NAV2: variants seen among roughly 807,000 people sequenced by gnomAD.
NAV2 encodes neuron navigator 2.
Under a neutral mutation model 223.2 loss-of-function variants are expected in NAV2, and 54 were observed. The ratio of observed to expected loss-of-function variants is 0.24; its 90% CI spans 0.19 to 0.30. The LOEUF is 0.30. NAV2 is among the 10% of genes least tolerant of loss of function. The probability of loss-of-function intolerance (pLI) is 1.00; values close to 1 mark genes in which losing one functional copy is unlikely to be tolerated. For missense variants in NAV2, 2,806 were observed against 3,147.5 expected (o/e 0.89, Z 2.60); for synonymous variants, 1,279 against 1,239.3 (o/e 1.03, Z -0.67).
intron 1 of NAV2, among the ~76,000 whole-genome samples, chr11:19,363,447 CTT>C (rs1247758320): frequency 1.3e-5 from 2 of 152,114 alleles, no homozygotes; most frequent in East Asian, 3.8e-4. Flanking sequence ...GGTGAGAAAA[CTT>C]AGGTTGAATA....
At chr11:19,761,161 C>T (rs946803157) in intron 1 of NAV2, among the ~76,000 whole-genome samples, 1 of 152,066 alleles carries the variant, frequency 6.6e-6, no homozygotes, top group Non-Finnish European at 1.5e-5. Flanking sequence ...GTCCAGAATG[C>T]CAAAAGAGAG....
intron 1 of NAV2, among the ~76,000 whole-genome samples, chr11:19,738,213 G>C (rs2052493428): frequency 1.3e-5 from 2 of 152,218 alleles, no homozygotes; most frequent in South Asian, 2.1e-4. Flanking sequence ...TTCCCTCAGG[G>C]GGCCAGTGAC....
At chr11:19,908,721 T>C (rs894652060) in intron 6 of NAV2, among the ~76,000 whole-genome samples, 5 of 152,148 alleles carry the variant, frequency 3.3e-5, no homozygotes, top group African/African-American at 1.2e-4. Flanking sequence ...AGCCAGTGAG[T>C]CTGCTGCTGA....
chr11:19,424,289 T>G (rs1850736351), intron 1 of NAV2, among the ~76,000 whole-genome samples: 2 of 152,214 alleles, frequency 1.3e-5, no homozygotes, highest in Admixed American at 1.3e-4. Flanking sequence ...GAATAAAGAT[T>G]ACTAGTTCTC....
At chr11:19,704,731 G>A (rs918905444) in intron 1 of NAV2, among the ~76,000 whole-genome samples, 2 of 152,152 alleles carry the variant, frequency 1.3e-5, no homozygotes, top group African/African-American at 4.8e-5. Flanking sequence ...GAAGAATAGA[G>A]GCCGGGCGCG....
At chr11:19,920,255 A>G (rs1219091460) in intron 6 of NAV2, among the ~76,000 whole-genome samples, 1 of 152,254 alleles carries the variant, frequency 6.6e-6, no homozygotes, top group African/African-American at 2.4e-5. Flanking sequence ...AGATACTTGC[A>G]TGAATTAATG....
intron 1 of NAV2, among the ~76,000 whole-genome samples, chr11:19,425,059 A>T (rs1850772482): frequency 1.3e-5 from 2 of 152,188 alleles, no homozygotes; most frequent in African/African-American, 4.8e-5. Context: ...TATTTAGTAC[A>T]CATTTGTGGA....
chr11:19,561,561 A>G (rs1329568254), intron 1 of NAV2, among the ~76,000 whole-genome samples: 1 of 152,190 alleles, frequency 6.6e-6, no homozygotes, highest in Non-Finnish European at 1.5e-5. Flanking sequence ...GTAAGCACCT[A>G]TTATTACTAG....
At chr11:19,926,221 A>G (rs926709696) in intron 6 of NAV2, among the ~76,000 whole-genome samples, 2 of 152,220 alleles carry the variant, frequency 1.3e-5, no homozygotes, top group African/African-American at 4.8e-5. Context: ...TCCTTATTCT[A>G]GCTTAGACTT....
chr11:19,661,590 A>G (rs1194007913), intron 1 of NAV2, among the ~76,000 whole-genome samples: 1 of 152,216 alleles, frequency 6.6e-6, no homozygotes, highest in Non-Finnish European at 1.5e-5. Flanking sequence ...TAGCCTCATT[A>G]GCTTTGTGCT....
chr11:19,950,320 C>T (rs1274035017), intron 10 of NAV2, among the ~76,000 whole-genome samples: 1 of 152,210 alleles, frequency 6.6e-6, no homozygotes, highest in Non-Finnish European at 1.5e-5. Flanking sequence ...CTTTTATACT[C>T]TCTTGTTCTA....
chr11:19,416,085 T>A (rs1223655086), intron 1 of NAV2, among the ~76,000 whole-genome samples: 4 of 152,176 alleles, frequency 2.6e-5, no homozygotes, highest in Non-Finnish European at 5.9e-5. Flanking sequence ...TTATTGGAAG[T>A]TCTGGCCAGG....
intron 4 of NAV2, among the ~76,000 whole-genome samples, chr11:19,875,409 A>AT (rs1181747874): frequency 1.3e-5 from 2 of 152,214 alleles, no homozygotes; most frequent in African/African-American, 4.8e-5. Context: ...AATTTATTGA[A>AT]TACCATACCA....
chr11:20,004,783 G>A (rs889849651), intron 11 of NAV2, among the ~76,000 whole-genome samples: 2 of 152,156 alleles, frequency 1.3e-5, no homozygotes, highest in African/African-American at 4.8e-5. Context: ...GTTTTAGGGA[G>A]TCAGGGTTTC....
chr11:19,546,385 TG>T (rs1481567722), intron 1 of NAV2, among the ~76,000 whole-genome samples: 2 of 152,206 alleles, frequency 1.3e-5, no homozygotes, highest in African/African-American at 2.4e-5. Flanking sequence ...GGCCCCATGC[TG>T]GGGCCCTGGG....
chr11:19,614,910 G>A (rs1387289256), intron 1 of NAV2, among the ~76,000 whole-genome samples: 2 of 152,030 alleles, frequency 1.3e-5, no homozygotes, highest in African/African-American at 2.4e-5. Context: ...GACCTCTCTA[G>A]CCACCATAAA....
chr11:19,962,169 T>G (rs2048398038), intron 10 of NAV2, among the ~76,000 whole-genome samples: 1 of 151,582 alleles, frequency 6.6e-6, no homozygotes, highest in South Asian at 2.1e-4. Context: ...AGAGTCAGTG[T>G]GGCAGCTCAA....
intron 1 of NAV2, among the ~76,000 whole-genome samples, chr11:19,515,608 T>C (rs902233130): frequency 8.5e-5 from 13 of 152,224 alleles, no homozygotes; most frequent in African/African-American, 2.9e-4. Context: ...TGCTAATTGC[T>C]CTTCAGCAGC....
At chr11:20,094,980 C>T (rs2061145108) in intron 29 of NAV2, among the ~76,000 whole-genome samples, 1 of 152,148 alleles carries the variant, frequency 6.6e-6, no homozygotes, top group South Asian at 2.1e-4. Flanking sequence ...GCCCTGTGAA[C>T]AGAGATGCAA....
Sources: allele counts gnomAD v4.1 joint callset (sites outside exome capture counted in the v4.1 genomes callset), GRCh38; gene constraint gnomAD v4.1.1; transcripts MANE v1.5; gene names NCBI Gene and HGNC (gene_info 2026-07-23, HGNC 2026-07-21).